PPM1B: variants seen among roughly 807,000 people sequenced by gnomAD.
PPM1B encodes the protein protein phosphatase, Mg2+/Mn2+ dependent 1B.
In PPM1B, 22 loss-of-function variants were observed where a neutral mutation model predicts 43.0. That is an observed-to-expected ratio of 0.51 (90% CI 0.37 to 0.73). The LOEUF (loss-of-function observed/expected upper bound fraction) is 0.73. Among genes scored for constraint, PPM1B ranks in the 30% least tolerant of loss-of-function variants. PPM1B has a pLI of 0.00. For synonymous variants in PPM1B, 217 were observed against 197.9 expected (o/e 1.10, Z -0.81); for missense variants, 632 against 584.2 (o/e 1.08, Z -0.84).
chr2:44,203,091 A>T (rs1038599094), intron 2 of PPM1B, among the ~76,000 whole-genome samples: 1 of 152,190 alleles, frequency 6.6e-6, no homozygotes, highest in Non-Finnish European at 1.5e-5. Context: ...AGTTTTTCAG[A>T]AAGGATCTCT....
At chr2:44,193,636 G>C (rs567685396) in intron 1 of PPM1B, among the ~76,000 whole-genome samples, 213 of 144,920 alleles carry the variant, frequency 1.5e-3, no homozygotes, top group African/African-American at 5.3e-3. Context: ...CTGGAGTGCA[G>C]TGCTACGATC....
chr2:44,231,622 A>T (rs117716052), downstream of PPM1B: 88 of 214,122 alleles, frequency 4.1e-4, 1 homozygote, highest in East Asian at 0.016. Context: ...GAAAAGTTTA[A>T]TATTAAAATA....
intron 5 of PPM1B, chr2:44,244,174 G>GAAA: frequency 5.1e-6 from 4 of 789,432 alleles, no homozygotes; most frequent in South Asian, 7.8e-5. Context: ...AATCCTGCAA[G>GAAA]AAAAAAAAAA....
At chr2:44,178,474 A>ATATATATATATATATATATATATATAT (rs1445760590) in intron 1 of PPM1B, among the ~76,000 whole-genome samples, 1 of 135,336 alleles carries the variant, frequency 7.4e-6, no homozygotes, top group African/African-American at 2.8e-5. Context: ...ATATATATAT[A>ATATATATATATATATATATATATATAT]TTTTTTTTTT....
intron 3 of PPM1B, among the ~76,000 whole-genome samples, chr2:44,217,098 T>C (rs928613594): frequency 2.0e-5 from 3 of 151,362 alleles, no homozygotes; most frequent in Non-Finnish European, 4.4e-5. Context: ...GGTAAACAGT[T>C]GTTTTGAAAG....
chr2:44,198,431 G>A (rs1247122758), intron 1 of PPM1B, among the ~76,000 whole-genome samples: 1 of 152,198 alleles, frequency 6.6e-6, no homozygotes, highest in Non-Finnish European at 1.5e-5. Context: ...AAAGTGTTGG[G>A]ATTACAGGCA....
chr2:44,225,501 A>AGAGTGATG (rs948068189), intron 5 of PPM1B, among the ~76,000 whole-genome samples: 4 of 152,260 alleles, frequency 2.6e-5, no homozygotes, highest in African/African-American at 9.6e-5. Flanking sequence ...TTGTCTATCC[A>AGAGTGATG]GAGTGATGAG....
intron 1 of PPM1B, among the ~76,000 whole-genome samples, chr2:44,199,603 C>G (rs966562273): frequency 3.3e-5 from 5 of 152,132 alleles, no homozygotes; most frequent in Non-Finnish European, 5.9e-5. Flanking sequence ...TAAAAATGTA[C>G]TTAGAACTAG....
chr2:44,234,216 T>C, downstream of PPM1B: 1 of 983,484 alleles, frequency 1.0e-6, no homozygotes, highest in Non-Finnish European at 1.2e-6. Flanking sequence ...ATATTTATAC[T>C]CCTTTTAAAA....
intron 2 of PPM1B, among the ~76,000 whole-genome samples, chr2:44,207,393 C>A (rs1053399254): frequency 7.9e-5 from 12 of 152,188 alleles, no homozygotes; most frequent in African/African-American, 2.2e-4. Flanking sequence ...ACCACCTCCA[C>A]TGACTTTGTT....
chr2:44,243,650 T>C (rs1670796992), intron 5 of PPM1B, among the ~76,000 whole-genome samples: 1 of 152,244 alleles, frequency 6.6e-6, no homozygotes. Flanking sequence ...TTGTCCTTTA[T>C]GACATATTCA....
chr2:44,188,868 T>G (rs1442811294), intron 1 of PPM1B, among the ~76,000 whole-genome samples: 1 of 139,314 alleles, frequency 7.2e-6, no homozygotes, highest in East Asian at 2.5e-4. Flanking sequence ...TGGGATCACA[T>G]AGCAACAGAG....
At chr2:44,238,048 C>G (rs1006810891), downstream of PPM1B, among the ~76,000 whole-genome samples, 2 of 152,042 alleles carry the variant, frequency 1.3e-5, no homozygotes, top group African/African-American at 2.4e-5. Context: ...TTACAGGTGT[C>G]CACCACCATG....
At chr2:44,213,007 C>T (rs1669551049) in intron 3 of PPM1B, among the ~76,000 whole-genome samples, 1 of 134,428 alleles carries the variant, frequency 7.4e-6, no homozygotes, top group East Asian at 2.1e-4. Context: ...AGCAAGACTC[C>T]GTTTCCAAAA....
intron 3 of PPM1B, among the ~76,000 whole-genome samples, chr2:44,213,375 G>T (rs1457915823): frequency 6.8e-6 from 1 of 148,024 alleles, no homozygotes; most frequent in African/African-American, 2.5e-5. Flanking sequence ...ACATTTGAAT[G>T]ATATAACTTA....
At chr2:44,231,920 A>G (rs930569716), downstream of PPM1B, among the ~76,000 whole-genome samples, 3 of 152,224 alleles carry the variant, frequency 2.0e-5, no homozygotes, top group African/African-American at 7.2e-5. Flanking sequence ...AAATTATTTT[A>G]TAACTGTAGA....
At chr2:44,200,126 T>C (rs1668864550) in intron 1 of PPM1B, among the ~76,000 whole-genome samples, 1 of 152,140 alleles carries the variant, frequency 6.6e-6, no homozygotes, top group African/African-American at 2.4e-5. Context: ...ACAGCAAACA[T>C]TTTATGGTGT....
chr2:44,201,914 A>G lies in PPM1B; in HGVS notation c.715A>G (p.Ile239Val), dbSNP rs1160845612. The G allele has an allele frequency of 2.5e-6, 4 of 1,614,184 alleles. No individual in the cohort carries two copies. In the East Asian group the frequency reaches 6.7e-5, roughly 27 times the overall value. Residue 239 changes from isoleucine (I) to valine (V), a missense_variant, in exon 2 of 6, where the codon ATC becomes GTC. Around this residue, in one of 3 missense-constraint regions of PPM1B, gnomAD observed 392 missense variants for 302.7 expected, o/e 1.29. Transcript: ENST00000282412. The surrounding 1 kb of genome is among the most constrained non-coding windows in gnomAD (Gnocchi z 5.4). The part of the protein sequence containing the change: ...ILRAEEDEFI[I>V]LACDGIWDVM... ...AAGAGCAGAAGAGGATGAATTTATCATCTTGGCTTGTGATGGGATCTGGGA... is the reference window on the plus strand; with the variant it reads ...AAGAGCAGAAGAGGATGAATTTATCGTCTTGGCTTGTGATGGGATCTGGGA...
chr2:44,205,285 A>ATT (rs1669124398), intron 2 of PPM1B, among the ~76,000 whole-genome samples: 1 of 151,256 alleles, frequency 6.6e-6, no homozygotes, highest in Admixed American at 6.6e-5. Context: ...CAAGTTTAGT[A>ATT]TTTTTGTTAA....
Sources: gnomAD v4.1 joint callset for allele counts (sites outside exome capture counted in the v4.1 genomes callset) on GRCh38, gnomAD v4.1.1 for gene constraint, gnomAD v4.1.1 regional missense constraint, Gnocchi (gnomAD v3.1) non-coding constraint, MANE v1.5 for transcripts, NCBI Gene and HGNC (gene_info 2026-07-23, HGNC 2026-07-21) for gene names.